The following ASIC2 variants were observed in gnomAD, a reference collection of about 807,000 sequenced individuals.
ASIC2 encodes the protein acid sensing ion channel subunit 2.
A neutral mutation model predicts 57.3 loss-of-function variants in ASIC2; 25 were observed. The ratio of observed to expected loss-of-function variants is 0.44; its 90% CI spans 0.32 to 0.61. The LOEUF is 0.61. Among genes scored for constraint, ASIC2 ranks in the 20% least tolerant of loss-of-function variants. The probability of loss-of-function intolerance (pLI) is 0.06; values close to 1 mark genes in which losing one functional copy is unlikely to be tolerated. For missense variants in ASIC2, 641 were observed against 738.1 expected (o/e 0.87, Z 1.52); for synonymous variants, 319 against 307.5 (o/e 1.04, Z -0.39).
chr17:33,975,449 G>T (rs1036227039), intron 1 of ASIC2, among the ~76,000 whole-genome samples: 4 of 151,924 alleles, frequency 2.6e-5, no homozygotes, highest in African/African-American at 9.7e-5. Flanking sequence ...GAAACCCAAA[G>T]TCATGATCTG....
At chr17:33,061,069 G>C (rs373826688) in intron 3 of ASIC2, among the ~76,000 whole-genome samples, 1 of 152,108 alleles carries the variant, frequency 6.6e-6, no homozygotes, top group African/African-American at 2.4e-5. Flanking sequence ...GGGCTGAGAC[G>C]ATGGGGTTTT....
At chr17:33,504,233 C>T (rs1914182603) in intron 1 of ASIC2, among the ~76,000 whole-genome samples, 1 of 152,250 alleles carries the variant, frequency 6.6e-6, no homozygotes, top group African/African-American at 2.4e-5. Context: ...GTACTGCCCA[C>T]AGCTAAACAC....
At chr17:33,225,926 T>C (rs1907862944) in intron 1 of ASIC2, among the ~76,000 whole-genome samples, 1 of 152,232 alleles carries the variant, frequency 6.6e-6, no homozygotes, top group Admixed American at 6.5e-5. Context: ...AGACTTTCTT[T>C]CCTCTCTCAT....
chr17:33,292,826 C>G lies in ASIC2; in HGVS notation c.-711G>C. The G allele has an allele frequency of 1.0e-6, 1 of 985,628 alleles. No homozygotes were observed. Among genetic ancestry groups the G allele is most frequent in the South Asian group, 4.7e-5 (1 of 21,290 alleles). The allele number at this position is 985,628 out of a possible 1,614,324, so 61.1% of individuals were successfully genotyped here. Reference sequence around the variant, plus strand: ...CTGGGCTGCGCTCGGCAGAGACCTGCTTAGGCTTCCCCAAGTCCTGCGCCT... The same window carrying G: ...CTGGGCTGCGCTCGGCAGAGACCTGGTTAGGCTTCCCCAAGTCCTGCGCCT... On this transcript the variant is annotated 5_prime_UTR_variant, in exon 1 of 10. Transcript: ENST00000225823.
At chr17:33,183,879 C>T (rs1567776539) in intron 1 of ASIC2, among the ~76,000 whole-genome samples, 1 of 152,198 alleles carries the variant, frequency 6.6e-6, no homozygotes, top group Non-Finnish European at 1.5e-5. Flanking sequence ...TCAAGACATG[C>T]CACAGAGTCC....
chr17:33,167,298 C>T (rs1472992254), intron 1 of ASIC2, among the ~76,000 whole-genome samples: 1 of 152,196 alleles, frequency 6.6e-6, no homozygotes, highest in African/African-American at 2.4e-5. Flanking sequence ...ACCAAAGCCC[C>T]TGAGGCAGTT....
At position 33,491,777 on chromosome 17, in the gene ASIC2, A is replaced by G. The variant is rs139193724; in HGVS notation, c.556-379710T>C. Among the ~76,000 whole-genome samples the G allele has an allele frequency of 1.7e-4, 26 of 152,036 alleles. No homozygotes were observed. In the East Asian group the frequency reaches 4.8e-3, roughly 28 times the overall value. ...CTAGAGGGTCTCTGTCTGATGCTTC[A>G]CTCCTCTGAGAACCTCTCTGCCATG... On this transcript the variant is annotated intron_variant, in intron 1 of 9. Transcript: ENST00000359872.
intron 1 of ASIC2, among the ~76,000 whole-genome samples, chr17:34,078,666 A>C (rs974163810): frequency 6.6e-6 from 1 of 152,128 alleles, no homozygotes; most frequent in African/African-American, 2.4e-5. Context: ...GGGGAAACAG[A>C]AGCAGCCCCC....
chr17:33,070,520 T>G (rs761638360), intron 3 of ASIC2, among the ~76,000 whole-genome samples: 2 of 152,038 alleles, frequency 1.3e-5, no homozygotes, highest in Non-Finnish European at 2.9e-5. Flanking sequence ...ACATTTTTAG[T>G]AGAGACAGGG....
intron 1 of ASIC2, among the ~76,000 whole-genome samples, chr17:33,704,408 G>A (rs986705422): frequency 1.3e-5 from 2 of 152,158 alleles, no homozygotes; most frequent in Non-Finnish European, 2.9e-5. Flanking sequence ...AATCATGCAT[G>A]ACTCCTGTAA....
intron 1 of ASIC2, among the ~76,000 whole-genome samples, chr17:33,881,217 C>T (rs991825722): frequency 6.6e-6 from 1 of 152,200 alleles, no homozygotes; most frequent in African/African-American, 2.4e-5. Flanking sequence ...GGAATGCCCT[C>T]TCTCACCACT....
intron 1 of ASIC2, among the ~76,000 whole-genome samples, chr17:33,849,168 G>C (rs1597901382): frequency 6.6e-6 from 1 of 152,180 alleles, no homozygotes; most frequent in African/African-American, 2.4e-5. Flanking sequence ...CATATCTAGT[G>C]CTCACTCTAG....
intron 1 of ASIC2, among the ~76,000 whole-genome samples, chr17:33,497,670 T>C (rs747305704): frequency 2.0e-5 from 3 of 152,192 alleles, no homozygotes; most frequent in African/African-American, 7.2e-5. Context: ...GAAGGTGCCA[T>C]TGTGCTGGCC....
In ASIC2 at chr17:34,153,980, G is replaced by A. The variant is rs144284235; in HGVS notation, c.555+1998C>T. Among the ~76,000 whole-genome samples, 682 of 152,180 alleles carry A rather than the reference G, an allele frequency of 4.5e-3. 5 individuals carry two copies. The highest frequency in any genetic ancestry group is 0.015 in the African/African-American group (641 of 41,512). The stretch of plus-strand genomic sequence containing the variant: ...GGTCCAAGTATAAAACAATAGCCTG[G>A]GGTCAAAAAACATTTACTTCTAAAT... On this transcript the variant is annotated intron_variant, in intron 1 of 9. Coordinates refer to the ASIC2 transcript ENST00000359872.
intron 1 of ASIC2, among the ~76,000 whole-genome samples, chr17:34,080,465 C>T (rs1909837264): frequency 6.6e-6 from 1 of 152,196 alleles, no homozygotes; most frequent in African/African-American, 2.4e-5. Context: ...ATCCAGACTC[C>T]ACAAATGGTC....
chr17:33,443,325 G>A (rs1300642981), intron 1 of ASIC2, among the ~76,000 whole-genome samples: 2 of 145,492 alleles, frequency 1.4e-5, no homozygotes, highest in African/African-American at 2.6e-5. Flanking sequence ...ATTGGGTATT[G>A]TTTCTTCTTT....
chr17:33,365,432 G>A (rs1269954728), intron 1 of ASIC2, among the ~76,000 whole-genome samples: 1 of 151,900 alleles, frequency 6.6e-6, no homozygotes, highest in Non-Finnish European at 1.5e-5. Context: ...ACATGTAGGA[G>A]GTACTTAGGT....
intron 1 of ASIC2, among the ~76,000 whole-genome samples, chr17:33,113,502 T>G (rs1450298298): frequency 1.3e-5 from 2 of 152,204 alleles, no homozygotes; most frequent in Admixed American, 6.5e-5. Context: ...TGGGCCACTT[T>G]CCTGAGCATG....
intron 1 of ASIC2, among the ~76,000 whole-genome samples, chr17:33,270,817 G>A (rs1422828731): frequency 6.6e-6 from 1 of 152,202 alleles, no homozygotes; most frequent in African/African-American, 2.4e-5. Context: ...ACAGTTTCAG[G>A]AAGAATACAA....
Sources: allele counts gnomAD v4.1 joint callset (sites outside exome capture counted in the v4.1 genomes callset), GRCh38; gene constraint gnomAD v4.1.1; transcripts MANE v1.5; gene names NCBI Gene and HGNC (gene_info 2026-07-23, HGNC 2026-07-21).